The following KMT2B variants were observed in gnomAD, a reference collection of about 807,000 sequenced individuals.
KMT2B encodes the protein histone-lysine N-methyltransferase 2B.
A neutral mutation model predicts 255.3 loss-of-function variants in KMT2B; 22 were observed. The ratio of observed to expected loss-of-function variants is 0.09; its 90% CI spans 0.06 to 0.12. The LOEUF (loss-of-function observed/expected upper bound fraction) is 0.12, where lower values mean the gene tolerates loss of function less well. Among genes scored for constraint, KMT2B ranks in the 10% least tolerant of loss-of-function variants. The pLI, the probability that KMT2B is intolerant of heterozygous loss-of-function variation, is 1.00. For synonymous variants in KMT2B, 1,730 were observed against 1,498.1 expected (o/e 1.15, Z -3.57); for missense variants, 3,149 against 3,737.0 (o/e 0.84, Z 4.10).
chr19:35,736,675 G>C lies in KMT2B; in HGVS notation c.7160-15G>C. 6.2e-7 allele frequency: 1 copy of C among 1,612,852 alleles called. No individual in the cohort carries two copies. Among genetic ancestry groups the C allele is most frequent in the Non-Finnish European group, 8.5e-7 (1 of 1,179,064 alleles). ...GGAAGGGTGATCTTCACTCCAACCT[G>C]CTTCTTGGGACCAGGTGAGGCTTCG... On this transcript the variant is annotated splice_polypyrimidine_tract_variant and intron_variant, in intron 30 of 36. Transcript: ENST00000420124.
chr19:35,722,797 G>A, intron 5 of KMT2B, 79 bp downstream of exon 5: 2 of 1,509,714 alleles, frequency 1.3e-6, no homozygotes, highest in African/African-American at 1.4e-5. Context: ...GAGCCTAGGA[G>A]AGAGGGAGCC....
Position 35,722,641 on chromosome 19 carries a change from C to T in KMT2B, c.2645C>T (p.Ala882Val). The T allele has an allele frequency of 6.2e-7, 1 of 1,612,820 alleles. No individual in the cohort carries two copies. The highest frequency in any genetic ancestry group is 8.5e-7 in the Non-Finnish European group (1 of 1,179,638). The stretch of plus-strand genomic sequence containing the variant: ...CATGCTGCTGTGGCCCTGGGTCAGG[C>T]CCGGGCCATGGTGCCTGAAGATGTC... ...CRHAAVALGQ[A>V]RAMVPEDVPR... Residue 882 changes from alanine (A) to valine (V), a missense_variant, in exon 5 of 37, where the codon GCC becomes GTC. Ala to Val is a moderately conservative substitution (Grantham distance 64, BLOSUM62 0). Coordinates refer to ENST00000420124, the MANE Select transcript of KMT2B (RefSeq NM_014727.3).
rs1316246353 is a variant in KMT2B, at chr19:35,723,594, C to T, written c.3058+92C>T. The T allele has an allele frequency of 7.6e-6, 10 of 1,319,784 alleles. No homozygotes were observed. Among genetic ancestry groups the T allele is most frequent in the East Asian group, 2.5e-5 (1 of 39,600 alleles). 81.8% of individuals were successfully genotyped at this position (1,319,784 alleles called of 1,614,324 possible). On this transcript the variant is annotated intron_variant, in intron 7 of 36. Transcript: ENST00000420124. This position sits in a 1 kb window ranked among gnomAD's most constrained non-coding sequence, Gnocchi z 7.5. ...TTTTCTTTGCTCTCCTCCCTTGCAGCTCACCCTCTCCATCTTCTCCGTTGT... is the reference window on the plus strand; with the variant it reads ...TTTTCTTTGCTCTCCTCCCTTGCAGTTCACCCTCTCCATCTTCTCCGTTGT...
rs909625401 is a variant in KMT2B, at chr19:35,727,092, C to G, written c.4004-64C>G. The G allele has an allele frequency of 8.6e-7, 1 of 1,169,216 alleles. No individual in the cohort carries two copies. The highest frequency in any genetic ancestry group is 1.5e-5 in the African/African-American group (1 of 65,608). The allele number at this position is 1,169,216 out of a possible 1,614,324, so 72.4% of individuals were successfully genotyped here. The stretch of plus-strand genomic sequence containing the variant: ...AGCTAAGGTACTGCTAATCCTTGAA[C>G]AGAGACACTCAGGGCTGAGTGGGAA... On this transcript the variant is annotated intron_variant, in intron 14 of 36. Transcript: ENST00000420124. This position sits in a 1 kb window ranked among gnomAD's most constrained non-coding sequence, Gnocchi z 4.2.
Position 35,722,408 on chromosome 19 carries a change from T to A in KMT2B, c.2507T>A (p.Ile836Asn). ...GAGGTGGCCGGGGCTGTCAAGCAGA[T>A]CTCCGACAGAGGCCCTGTCCGGTCT... ...MEEVAGAVKQ[I>N]SDRGPVRSED... The change falls in exon 4 of 37, where the codon ATC (isoleucine) becomes AAC (asparagine). Residue 836 changes from isoleucine (I) to asparagine (N), a missense_variant. Physicochemically the swap from Ile to Asn is moderately radical, Grantham distance 149. This residue lies in a region of KMT2B where 1,188 missense variants were observed against 1,106.4 expected (regional missense o/e 1.07). Transcript: ENST00000420124. 1.9e-6 allele frequency: 3 copies of A among 1,611,090 alleles called. No homozygotes were observed. Among genetic ancestry groups the A allele is most frequent in the Non-Finnish European group, 1.7e-6 (2 of 1,179,812 alleles).
chr19:35,733,808 T>G lies in KMT2B; in HGVS notation c.7095T>G (p.Gly2365=). ...CTTTGCTGCCACTTCCGGAAGATGGTCCTCCCCAGGTCCCCGATGGTCCCC... is the reference window on the plus strand; with the variant it reads ...CTTTGCTGCCACTTCCGGAAGATGGGCCTCCCCAGGTCCCCGATGGTCCCC... ...RSPLLPLPED[G]PPQVPDGPPD... is the part of the protein sequence containing the mutation. Residue 2365 remains glycine, a synonymous_variant, in exon 30 of 37, where the codon GGT becomes GGG. Transcript: ENST00000420124. The surrounding 1 kb of genome is among the most constrained non-coding windows in gnomAD (Gnocchi z 4.3). 1 of 1,613,478 alleles carries G rather than the reference T, an allele frequency of 6.2e-7. No homozygotes were observed. The highest frequency in any genetic ancestry group is 8.5e-7 in the Non-Finnish European group (1 of 1,179,672).
Position 35,733,252 on chromosome 19 carries a change from C to T in KMT2B, c.6703C>T (p.Pro2235Ser), listed in dbSNP as rs1222706755. 4 of 1,454,912 alleles carry T rather than the reference C, an allele frequency of 2.7e-6. No homozygotes were observed. Among genetic ancestry groups the T allele is most frequent in the Admixed American group, 2.0e-5 (1 of 50,142 alleles). 90.1% of individuals were successfully genotyped at this position (1,454,912 alleles called of 1,614,324 possible). The change falls in exon 28 of 37, where the codon CCC (proline) becomes TCC (serine). Residue 2235 changes from proline (P) to serine (S), a missense_variant. By Grantham distance (74) the Pro-to-Ser change is moderately conservative. This residue lies in a region of KMT2B where 897 missense variants were observed against 825.3 expected (regional missense o/e 1.09). Coordinates refer to ENST00000420124, the MANE Select transcript of KMT2B (RefSeq NM_014727.3). This position sits in a 1 kb window ranked among gnomAD's most constrained non-coding sequence, Gnocchi z 4.3. Reference sequence around the variant, plus strand: ...CACGGCTCCCACCTCCTGGACTCTGCCCCCAGGCCCCCTCCTCGGCGTGCT... The same window carrying T: ...CACGGCTCCCACCTCCTGGACTCTGTCCCCAGGCCCCCTCCTCGGCGTGCT... ...SPTAPTSWTL[P>S]PGPLLGVLPV...
chr19:35,733,813 C>G lies in KMT2B; in HGVS notation c.7100C>G (p.Pro2367Arg). The change falls in exon 30 of 37, where the codon CCC (proline) becomes CGC (arginine). Residue 2367 changes from proline to arginine, a missense_variant. By Grantham distance (103) the Pro-to-Arg change is moderately radical (BLOSUM62 -2). This residue lies in a region of KMT2B where 897 missense variants were observed against 825.3 expected (regional missense o/e 1.09). Transcript: ENST00000420124. The surrounding 1 kb of genome is among the most constrained non-coding windows in gnomAD (Gnocchi z 4.3). Reference sequence around the variant, plus strand: ...CTGCCACTTCCGGAAGATGGTCCTCCCCAGGTCCCCGATGGTCCCCCAGAC... The same window carrying G: ...CTGCCACTTCCGGAAGATGGTCCTCGCCAGGTCCCCGATGGTCCCCCAGAC... Reference protein sequence around the residue: ...PLLPLPEDGPPQVPDGPPDLL... With the variant: ...PLLPLPEDGPRQVPDGPPDLL... 1 of 1,613,752 alleles carries G rather than the reference C, an allele frequency of 6.2e-7. No homozygotes were observed.
Position 35,732,720 on chromosome 19 carries a change from C to T in KMT2B, c.6171C>T (p.Arg2057=), listed in dbSNP as rs1357606341. 6.2e-7 allele frequency: 1 copy of T among 1,610,174 alleles called. No individual in the cohort carries two copies. The change falls in exon 28 of 37, where the codon CGC becomes CGT. Residue 2057 remains arginine, a synonymous_variant. Coordinates refer to ENST00000420124, the MANE Select transcript of KMT2B (RefSeq NM_014727.3). ...CCAGCGCTACCCCTGGAGCCCCCCGCATTGAACAGCTGGACGGCGTGGACG... is the reference window on the plus strand; with the variant it reads ...CCAGCGCTACCCCTGGAGCCCCCCGTATTGAACAGCTGGACGGCGTGGACG... ...LAPSATPGAP[R]IEQLDGVDDG...
chr19:35,727,146 C>CT lies in KMT2B; in HGVS notation c.4004-7dup. 1 of 1,600,838 alleles carries CT rather than the reference C, an allele frequency of 6.2e-7. No homozygotes were observed. Among genetic ancestry groups the CT allele is most frequent in the Non-Finnish European group, 8.5e-7 (1 of 1,171,814 alleles). Reference sequence around the variant, plus strand: ...CAGCACCTCTGACTCCTTCTCTTCCCTTTCTCTAGGAAACTACTGCCCGAT... The same window carrying CT: ...CAGCACCTCTGACTCCTTCTCTTCCCTTTTCTCTAGGAAACTACTGCCCGAT... On this transcript the variant is annotated splice_polypyrimidine_tract_variant and intron_variant, in intron 14 of 36. Transcript: ENST00000420124. This position sits in a 1 kb window ranked among gnomAD's most constrained non-coding sequence, Gnocchi z 4.2.
At position 35,730,124 on chromosome 19, in the gene KMT2B, A is replaced by C; in HGVS notation, c.5075A>C (p.Lys1692Thr). ...AAACACACTGATCTCCTGGATGGCAAGGTGGGCCAGAACTGTGGGGTACAC... is the reference window on the plus strand; with the variant it reads ...AAACACACTGATCTCCTGGATGGCACGGTGGGCCAGAACTGTGGGGTACAC... ...CQKHTDLLDG[K>T]EIVNPDGFDV... The change falls in exon 23 of 37, where the codon AAG becomes ACG. Residue 1692 changes from lysine (K) to threonine (T), a missense_variant and splice_region_variant. Physicochemically the swap from Lys to Thr is moderately conservative, Grantham distance 78. This residue lies in a region of KMT2B where 58 missense variants were observed against 96.9 expected (regional missense o/e 0.60). Transcript: ENST00000420124. 6.2e-7 allele frequency: 1 copy of C among 1,613,620 alleles called. No homozygotes were observed. Among genetic ancestry groups the C allele is most frequent in the Non-Finnish European group, 8.5e-7 (1 of 1,179,734 alleles).
At position 35,732,090 on chromosome 19, in the gene KMT2B, C is replaced by T. The variant is rs937393842; in HGVS notation, c.5620C>T (p.Arg1874Trp). 3.1e-6 allele frequency: 5 copies of T among 1,606,500 alleles called. No homozygotes were observed. The highest frequency in any genetic ancestry group is 4.2e-6 in the Non-Finnish European group (5 of 1,176,718). ...RIKVPNYSPS[R>W]RPLGGVSFGP... ...CAAAGTGCCCAACTACTCGCCATCC[C>T]GGAGGCCCTTGGGGGGTGTCTCCTT... The change falls in exon 27 of 37, where the codon CGG becomes TGG. Residue 1874 changes from arginine (R) to tryptophan (W), a missense_variant. Physicochemically the swap from Arg to Trp is moderately radical, Grantham distance 101. Coordinates refer to ENST00000420124, the MANE Select transcript of KMT2B (RefSeq NM_014727.3).
chr19:35,724,923 G>T, intron 9 of KMT2B, 66 bp from the exon 10 acceptor site: 1 of 1,261,614 alleles, frequency 7.9e-7, no homozygotes, highest in Non-Finnish European at 1.2e-6. Context: ...GGGAAAGGCG[G>T]TGAGGAGAGG....
In KMT2B at chr19:35,738,032, C is replaced by T. The variant is rs199769029; in HGVS notation, c.7743-30C>T. ...CTGTCTGGTTTCTGTCCCCCTCCCC[C>T]CTGAGTTCCCTGTTCATCCTGCCCT... On this transcript the variant is annotated intron_variant, in intron 35 of 36. Coordinates refer to ENST00000420124, the MANE Select transcript of KMT2B (RefSeq NM_014727.3). This position sits in a 1 kb window ranked among gnomAD's most constrained non-coding sequence, Gnocchi z 8.7. 6 of 1,613,600 alleles carry T rather than the reference C, an allele frequency of 3.7e-6. No homozygotes were observed. The highest frequency in any genetic ancestry group is 1.3e-5 in the African/African-American group (1 of 74,874).
rs766040973 is a variant in KMT2B at position 35,733,845 on chromosome 19, C to T, written c.7132C>T (p.Leu2378Phe). 5 of 1,613,556 alleles carry T rather than the reference C, an allele frequency of 3.1e-6. No homozygotes were observed. The African/African-American group carries it at 6.7e-5, about 22-fold the overall frequency. Residue 2378 changes from leucine to phenylalanine, a missense_variant, in exon 30 of 37, where the codon CTT (leucine) becomes TTT (phenylalanine). Coordinates refer to ENST00000420124, the MANE Select transcript of KMT2B (RefSeq NM_014727.3). This position sits in a 1 kb window ranked among gnomAD's most constrained non-coding sequence, Gnocchi z 4.3. ...CCCCGATGGTCCCCCAGACCTGCTGCTTGAGTCCCAGTGGCACCACTATTC... is the reference window on the plus strand; with the variant it reads ...CCCCGATGGTCCCCCAGACCTGCTGTTTGAGTCCCAGTGGCACCACTATTC... Reference protein sequence around the residue: ...QVPDGPPDLLLESQWHHYSGE... With the variant: ...QVPDGPPDLLFESQWHHYSGE...
chr19:35,721,848 C>T (rs1168779704), intron 3 of KMT2B, 44 bp downstream of exon 3: 7 of 1,504,410 alleles, frequency 4.7e-6, no homozygotes, highest in Non-Finnish European at 6.2e-6. Flanking sequence ...AGCCATCCAG[C>T]CTCCATTCTT....
chr19:35,718,979 T>C lies in KMT2B; in HGVS notation c.364-490T>C, dbSNP rs1423801092. Among the ~76,000 whole-genome samples, 3 of 152,192 alleles carry C rather than the reference T, an allele frequency of 2.0e-5. No individual in the cohort carries two copies. The highest frequency in any genetic ancestry group is 4.4e-5 in the Non-Finnish European group (3 of 68,008). ...AACAGGCAGGAAGGTGTGGGTTGCG[T>C]TGCCCTGGACGGTTAATAACAACCT... On this transcript the variant is annotated intron_variant, in intron 1 of 36. Coordinates refer to ENST00000420124, the MANE Select transcript of KMT2B (RefSeq NM_014727.3). The surrounding 1 kb of genome is among the most constrained non-coding windows in gnomAD (Gnocchi z 5.0).
chr19:35,725,197 TC>T lies in KMT2B; in HGVS notation c.3529-21del. ...CCTTGTATGCCTGGCGGCCCTCTGA[TC>T]CTGCATCCTCTCTTCCCCCAGGAGG... On this transcript the variant is annotated intron_variant, in intron 10 of 36. Coordinates refer to ENST00000420124, the MANE Select transcript of KMT2B (RefSeq NM_014727.3). This position sits in a 1 kb window ranked among gnomAD's most constrained non-coding sequence, Gnocchi z 4.1. The T allele has an allele frequency of 6.2e-7, 1 of 1,605,836 alleles. No homozygotes were observed. Among genetic ancestry groups the T allele is most frequent in the South Asian group, 1.1e-5 (1 of 90,820 alleles).
chr19:35,723,717 C>T lies in KMT2B; in HGVS notation c.3059-15C>T. ...TGGCTGAGCTCAAATCCTACTAAGT[C>T]CCCTGTTCCCGCAGGCCGGACGATA... On this transcript the variant is annotated splice_polypyrimidine_tract_variant and intron_variant, in intron 7 of 36. Coordinates refer to ENST00000420124, the MANE Select transcript of KMT2B (RefSeq NM_014727.3). The surrounding 1 kb of genome is among the most constrained non-coding windows in gnomAD (Gnocchi z 7.5). The T allele has an allele frequency of 6.6e-7, 1 of 1,518,796 alleles. No individual in the cohort carries two copies. The highest frequency in any genetic ancestry group is 1.4e-5 in the African/African-American group (1 of 71,858). The allele number at this position is 1,518,796 out of a possible 1,614,324, so 94.1% of individuals were successfully genotyped here. A position where few individuals can be genotyped will look rare whatever the true frequency, so the allele number is the denominator to read the frequency against.
Sources: gnomAD v4.1 joint callset for allele counts (sites outside exome capture counted in the v4.1 genomes callset) on GRCh38, gnomAD v4.1.1 for gene constraint, gnomAD v4.1.1 regional missense constraint, Gnocchi (gnomAD v3.1) non-coding constraint, MANE v1.5 for transcripts, NCBI Gene and HGNC (gene_info 2026-07-23, HGNC 2026-07-21) for gene names.